RAD54B: variants seen among roughly 807,000 people sequenced by gnomAD.
RAD54B encodes the protein DNA repair and recombination protein RAD54B.
In RAD54B, 78 loss-of-function variants were observed where a neutral mutation model predicts 95.8. The observed-to-expected ratio is 0.81, with a 90% CI of 0.68 to 0.98. RAD54B has a LOEUF of 0.98. Ranked by LOEUF, RAD54B falls within the 50% of genes least tolerant of loss-of-function variation. The pLI is 0.00. For missense variants in RAD54B, 957 were observed against 1,056.6 expected (o/e 0.91, Z 1.31); for synonymous variants, 328 against 354.9 (o/e 0.92, Z 0.85).
chr8:94,374,104 C>T (rs927580845), intron 14 of RAD54B, among the ~76,000 whole-genome samples: 3 of 152,182 alleles, frequency 2.0e-5, no homozygotes, highest in East Asian at 3.9e-4. Context: ...ACAGTGTAAC[C>T]CCGTCTCTAC....
At chr8:94,409,570 G>A (rs942392543) in intron 4 of RAD54B, among the ~76,000 whole-genome samples, 19 of 152,076 alleles carry the variant, frequency 1.2e-4, no homozygotes, top group Admixed American at 9.2e-4. Context: ...GTCTTGCTAA[G>A]TTGCCCAGGC....
At chr8:94,405,862 T>C (rs554874834) in intron 5 of RAD54B, among the ~76,000 whole-genome samples, 1 of 152,186 alleles carries the variant, frequency 6.6e-6, no homozygotes, top group Non-Finnish European at 1.5e-5. Context: ...TTAAGATGTT[T>C]CTTTATCTTC....
intron 3 of RAD54B, among the ~76,000 whole-genome samples, chr8:94,443,414 CATCT>C (rs1175731383): frequency 6.6e-6 from 1 of 151,982 alleles, no homozygotes; most frequent in Non-Finnish European, 1.5e-5. Flanking sequence ...CCAGAGTACA[CATCT>C]ACCTATGTAA....
At position 94,372,174 on chromosome 8, in the gene RAD54B, G is replaced by A. The variant is rs1389228427; in HGVS notation, c.2729C>T (p.Thr910Ile). ...AATGTCAGAAGTAATCTTTCACTAT[G>A]TGCCAGTAGCTTGAGTGGTTATATT... ...FQNITTQATG[T>I] The change falls in exon 15 of 15, where the codon ACA (threonine) becomes ATA (isoleucine). Residue 910 changes from threonine (T) to isoleucine (I), a missense_variant. Physicochemically the swap from Thr to Ile is moderately conservative, Grantham distance 89. Transcript: ENST00000336148. The A allele has an allele frequency of 1.3e-5, 21 of 1,601,490 alleles. No individual in the cohort carries two copies. The highest frequency in any genetic ancestry group is 1.7e-5 in the Non-Finnish European group (20 of 1,176,592).
intron 12 of RAD54B, among the ~76,000 whole-genome samples, chr8:94,379,587 C>G (rs1367386252): frequency 1.3e-5 from 2 of 152,132 alleles, no homozygotes; most frequent in Non-Finnish European, 2.9e-5. Context: ...CAGTTGAGTC[C>G]TTCTAGTGAA....
At chr8:94,449,110 C>G in intron 3 of RAD54B, among the ~76,000 whole-genome samples, 1 of 151,746 alleles carries the variant, frequency 6.6e-6, no homozygotes. Flanking sequence ...TTGTAAACCT[C>G]AGGTATGCAC....
chr8:94,394,940 T>A (rs538691542), intron 8 of RAD54B, among the ~76,000 whole-genome samples: 15 of 152,336 alleles, frequency 9.8e-5, no homozygotes, highest in African/African-American at 3.4e-4. Flanking sequence ...CTAATTTTTT[T>A]AAATTTAACA....
At chr8:94,460,623 T>C (rs969695242) in intron 2 of RAD54B, among the ~76,000 whole-genome samples, 13 of 152,240 alleles carry the variant, frequency 8.5e-5, no homozygotes, top group African/African-American at 3.1e-4. Context: ...AGAAATTTGG[T>C]GGCATTGAAC....
intron 14 of RAD54B, among the ~76,000 whole-genome samples, chr8:94,376,066 T>C (rs992175691): frequency 2.6e-5 from 4 of 152,152 alleles, no homozygotes; most frequent in African/African-American, 7.2e-5. Flanking sequence ...ATGGATTACA[T>C]AACAAAATCT....
chr8:94,386,113 G>A (rs1212312488), intron 11 of RAD54B, among the ~76,000 whole-genome samples: 1 of 152,096 alleles, frequency 6.6e-6, no homozygotes, highest in East Asian at 1.9e-4. Flanking sequence ...TAAGAGGGAA[G>A]TAGCTTATAA....
intron 3 of RAD54B, among the ~76,000 whole-genome samples, chr8:94,454,692 C>T (rs1447328090): frequency 6.6e-6 from 1 of 152,174 alleles, no homozygotes; most frequent in Non-Finnish European, 1.5e-5. Flanking sequence ...GAGTATACCA[C>T]TTATACAGTT....
At chr8:94,452,832 T>G (rs923970274) in intron 3 of RAD54B, among the ~76,000 whole-genome samples, 2 of 152,208 alleles carry the variant, frequency 1.3e-5, no homozygotes, top group African/African-American at 4.8e-5. Flanking sequence ...TTTTAAATAA[T>G]CTTTAACATC....
chr8:94,401,059 T>C (rs985851989), intron 6 of RAD54B, among the ~76,000 whole-genome samples: 6 of 152,200 alleles, frequency 3.9e-5, no homozygotes, highest in Non-Finnish European at 7.3e-5. Context: ...AGTAAGACCA[T>C]GTATTTTTAT....
intron 14 of RAD54B, among the ~76,000 whole-genome samples, chr8:94,372,835 T>C (rs924380446): frequency 2.6e-5 from 4 of 152,176 alleles, no homozygotes; most frequent in African/African-American, 9.7e-5. Context: ...ATAAAGACTA[T>C]TGATAAACTC....
Position 94,387,026 on chromosome 8 carries a change from G to A in RAD54B, c.1943C>T (p.Ser648Phe). 1 of 1,611,260 alleles carries A rather than the reference G, an allele frequency of 6.2e-7. No individual in the cohort carries two copies. Among genetic ancestry groups the A allele is most frequent in the South Asian group, 1.1e-5 (1 of 90,168 alleles). Reference protein sequence around the residue: ...EKESGKLQVLSKLLAVIHELR... With the variant: ...EKESGKLQVLFKLLAVIHELR... ...TTCGTGGATAACCGCTAAGAGCTTGGACAACACCTGTAGTTTTCCTGACTC... is the reference window on the plus strand; with the variant it reads ...TTCGTGGATAACCGCTAAGAGCTTGAACAACACCTGTAGTTTTCCTGACTC... The change falls in exon 11 of 15, where the codon TCC becomes TTC. Residue 648 changes from serine to phenylalanine, a missense_variant. Ser to Phe is a radical substitution (Grantham distance 155). Transcript: ENST00000336148.
chr8:94,456,931 T>C (rs1016079438), intron 3 of RAD54B, among the ~76,000 whole-genome samples: 5 of 152,300 alleles, frequency 3.3e-5, no homozygotes, highest in Middle Eastern at 3.4e-3. Flanking sequence ...AATGTACTAA[T>C]CAGAGAAAGG....
intron 8 of RAD54B, among the ~76,000 whole-genome samples, chr8:94,395,337 C>G (rs1811117875): frequency 6.6e-6 from 1 of 152,076 alleles, no homozygotes; most frequent in Non-Finnish European, 1.5e-5. Context: ...AGAAACTAAG[C>G]AAGAATGGCC....
chr8:94,404,789 T>C (rs1645979879), intron 5 of RAD54B, among the ~76,000 whole-genome samples: 1 of 152,124 alleles, frequency 6.6e-6, no homozygotes, highest in Non-Finnish European at 1.5e-5. Context: ...TGAAGTTAAT[T>C]ACTACATTCA....
At chr8:94,390,098 G>T (rs887671257) in intron 10 of RAD54B, among the ~76,000 whole-genome samples, 9 of 152,072 alleles carry the variant, frequency 5.9e-5, no homozygotes, top group Non-Finnish European at 1.0e-4. Flanking sequence ...TCAGCACTTT[G>T]GGAGGCTGAG....
Sources: allele counts gnomAD v4.1 joint callset (sites outside exome capture counted in the v4.1 genomes callset), GRCh38; gene constraint gnomAD v4.1.1; transcripts MANE v1.5; gene names NCBI Gene and HGNC (gene_info 2026-07-23, HGNC 2026-07-21).